Variants in MYOZ2 observed in about 807,000 individuals in gnomAD.
MYOZ2 encodes myozenin 2.
A neutral mutation model predicts 25.4 loss-of-function variants in MYOZ2; 19 were observed. That is an observed-to-expected ratio of 0.75 (90% confidence interval 0.52 to 1.10). MYOZ2 has a LOEUF of 1.10. Ranked by LOEUF, MYOZ2 falls within the 50% of genes least tolerant of loss-of-function variation. The pLI is 0.00. For missense variants in MYOZ2, 270 were observed against 317.9 expected (o/e 0.85, Z 1.15); for synonymous variants, 92 against 106.9 (o/e 0.86, Z 0.86).
At chr4:119,168,816 A>T (rs2149226705) in intron 5 of MYOZ2, among the ~76,000 whole-genome samples, 1 of 152,330 alleles carries the variant, frequency 6.6e-6, no homozygotes, top group African/African-American at 2.4e-5. Context: ...AATATTGTTG[A>T]CATGACAACA....
intron 3 of MYOZ2, among the ~76,000 whole-genome samples, chr4:119,155,863 G>A (rs1418461823): frequency 2.0e-5 from 3 of 152,070 alleles, no homozygotes; most frequent in Non-Finnish European, 4.4e-5. Context: ...GGAGCATGAA[G>A]ACTAAAGTGA....
intron 2 of MYOZ2, among the ~76,000 whole-genome samples, chr4:119,148,630 A>C (rs555728212): frequency 2.1e-4 from 32 of 150,688 alleles, no homozygotes; most frequent in African/African-American, 7.8e-4. Flanking sequence ...CTATTTTACT[A>C]TTGAGCCCAT....
intron 2 of MYOZ2, among the ~76,000 whole-genome samples, chr4:119,140,332 C>A (rs1741135318): frequency 6.6e-6 from 1 of 152,172 alleles, no homozygotes; most frequent in South Asian, 2.1e-4. Context: ...CTAATCAAAT[C>A]TTCAAAATCA....
chr4:119,159,968 G>A (rs924903838), intron 4 of MYOZ2, among the ~76,000 whole-genome samples: 1 of 152,126 alleles, frequency 6.6e-6, no homozygotes, highest in African/African-American at 2.4e-5. Flanking sequence ...GCAGGTAATA[G>A]GGTCTGTATC....
intron 4 of MYOZ2, among the ~76,000 whole-genome samples, chr4:119,159,490 A>C (rs1328048076): frequency 2.0e-5 from 3 of 152,220 alleles, no homozygotes; most frequent in Non-Finnish European, 4.4e-5. Flanking sequence ...GTTGGGCATT[A>C]AAATAGGACA....
intron 2 of MYOZ2, among the ~76,000 whole-genome samples, chr4:119,141,452 C>T (rs922384452): frequency 3.3e-5 from 5 of 152,016 alleles, no homozygotes; most frequent in East Asian, 1.9e-4. Context: ...GTGCAATCTC[C>T]GCTCACTGCA....
In MYOZ2 at chr4:119,186,404, T is replaced by G. The variant is rs111358691; in HGVS notation, c.*204T>G. On this transcript the variant is annotated 3_prime_UTR_variant, in exon 6 of 6. Transcript: ENST00000307128. Reference sequence around the variant, plus strand: ...TTACTTTAAAAAACTTATAACTCACTTGTCTTCATTCATAATTTTGTTTTC... The same window carrying G: ...TTACTTTAAAAAACTTATAACTCACGTGTCTTCATTCATAATTTTGTTTTC... The G allele has an allele frequency of 3.4e-5, 19 of 552,592 alleles. No homozygotes were observed. Among genetic ancestry groups the G allele is most frequent in the African/African-American group, 3.4e-4 (18 of 52,514 alleles). 34.2% of individuals were successfully genotyped at this position (552,592 alleles called of 1,614,324 possible).
intron 5 of MYOZ2, among the ~76,000 whole-genome samples, chr4:119,179,987 G>A (rs996262032): frequency 3.9e-5 from 6 of 152,162 alleles, no homozygotes; most frequent in Admixed American, 2.6e-4. Context: ...ATAATTTTTG[G>A]AAGACATTCA....
At chr4:119,169,970 A>T (rs577940267) in intron 5 of MYOZ2, among the ~76,000 whole-genome samples, 2 of 152,254 alleles carry the variant, frequency 1.3e-5, no homozygotes, top group African/African-American at 4.8e-5. Flanking sequence ...AGGTTTTTTT[A>T]AAAAAATATT....
At chr4:119,157,876 G>GA (rs1369495377) in intron 3 of MYOZ2, 146 bp from the exon 4 acceptor site, 24 of 945,036 alleles carry the variant, frequency 2.5e-5, no homozygotes, top group Non-Finnish European at 3.4e-5. Context: ...ATCTTACTAT[G>GA]AAAAAAATTA....
intron 2 of MYOZ2, among the ~76,000 whole-genome samples, chr4:119,145,338 G>GTTTTT (rs60344545): frequency 6.0e-5 from 6 of 100,608 alleles, no homozygotes; most frequent in African/African-American, 1.7e-4. Flanking sequence ...TGCGTGTGTG[G>GTTTTT]TTTTTTTTTT....
At chr4:119,145,117 G>A (rs1056540110) in intron 2 of MYOZ2, among the ~76,000 whole-genome samples, 1 of 152,026 alleles carries the variant, frequency 6.6e-6, no homozygotes, top group Non-Finnish European at 1.5e-5. Context: ...ACAGTAATGT[G>A]ATTTTTCTTC....
intron 5 of MYOZ2, among the ~76,000 whole-genome samples, chr4:119,170,713 A>G (rs1354956352): frequency 6.6e-6 from 1 of 152,164 alleles, no homozygotes; most frequent in Non-Finnish European, 1.5e-5. Flanking sequence ...ATGCCAATAT[A>G]TGTGTATGGT....
chr4:119,177,703 G>A (rs1742107784), intron 5 of MYOZ2, among the ~76,000 whole-genome samples: 1 of 152,120 alleles, frequency 6.6e-6, no homozygotes, highest in Non-Finnish European at 1.5e-5. Context: ...GAGCTGATGA[G>A]TTGCCTGCCT....
At chr4:119,155,250 T>C (rs909936050) in intron 3 of MYOZ2, among the ~76,000 whole-genome samples, 2 of 152,080 alleles carry the variant, frequency 1.3e-5, no homozygotes, top group Non-Finnish European at 2.9e-5. Context: ...ACACTGGAAA[T>C]GAAATTTCAG....
chr4:119,140,979 T>C (rs1014299542), intron 2 of MYOZ2, among the ~76,000 whole-genome samples: 1 of 152,212 alleles, frequency 6.6e-6, no homozygotes, highest in Non-Finnish European at 1.5e-5. Context: ...CACAGAACTT[T>C]TTATCAATTG....
At chr4:119,160,384 A>C (rs1269567363) in intron 4 of MYOZ2, among the ~76,000 whole-genome samples, 1 of 151,956 alleles carries the variant, frequency 6.6e-6, no homozygotes, top group African/African-American at 2.4e-5. Flanking sequence ...GATACAATTT[A>C]GTGCTGTCAT....
intron 3 of MYOZ2, among the ~76,000 whole-genome samples, chr4:119,152,488 G>A (rs1333558528): frequency 6.6e-6 from 1 of 152,030 alleles, no homozygotes; most frequent in Admixed American, 6.6e-5. Context: ...TAGGAATAAT[G>A]CTTTAACTAC....
At chr4:119,154,984 T>C (rs1741540921) in intron 3 of MYOZ2, among the ~76,000 whole-genome samples, 1 of 151,990 alleles carries the variant, frequency 6.6e-6, no homozygotes, top group South Asian at 2.1e-4. Flanking sequence ...CATGGTTCTG[T>C]GAGCTGTACA....
Sources: gnomAD v4.1 joint callset for allele counts (sites outside exome capture counted in the v4.1 genomes callset) on GRCh38, gnomAD v4.1.1 for gene constraint, MANE v1.5 for transcripts, NCBI Gene and HGNC (gene_info 2026-07-23, HGNC 2026-07-21) for gene names.